Variants in ERO1A observed in about 807,000 individuals in gnomAD.
ERO1A encodes the protein endoplasmic reticulum oxidoreductase 1 alpha, also known as ERO1-like protein alpha.
A neutral mutation model predicts 76.9 loss-of-function variants in ERO1A; 49 were observed. That is an observed-to-expected ratio of 0.64 (90% CI 0.51 to 0.81). ERO1A has a LOEUF of 0.81. ERO1A is among the 30% of genes least tolerant of loss of function. The probability of loss-of-function intolerance (pLI) is 0.00; values close to 1 mark genes in which losing one functional copy is unlikely to be tolerated. For missense variants in ERO1A, 448 were observed against 542.1 expected (o/e 0.83, Z 1.72); for synonymous variants, 174 against 181.2 (o/e 0.96, Z 0.32).
intron 1 of ERO1A, 77 bp from the exon 2 acceptor site, chr14:52,683,984 G>T: frequency 8.7e-7 from 1 of 1,146,084 alleles, no homozygotes; most frequent in Non-Finnish European, 1.2e-6. Flanking sequence ...ATGGTTGTTA[G>T]GAAACAGCCC....
In ERO1A at chr14:52,679,418, A is replaced by ATT. The variant is rs3064778; in HGVS notation, c.319-948_319-947dup. Among the ~76,000 whole-genome samples the ATT allele has an allele frequency of 4.2e-4, 62 of 146,926 alleles. 1 individual carries two copies. In the East Asian group the frequency reaches 6.9e-3, roughly 16 times the overall value. On this transcript the variant is annotated intron_variant, in intron 3 of 15. Coordinates refer to ENST00000395686, the MANE Select transcript of ERO1A (RefSeq NM_014584.3). ...TTAGATGGATAAATACCTTCCAATG[A>ATT]TTTTTTTTTTTTTCAGATAGGGTCT...
Position 52,682,335 on chromosome 14 carries a change from G to A in ERO1A, c.308C>T (p.Pro103Leu). The A allele has an allele frequency of 2.5e-6, 4 of 1,607,616 alleles. No homozygotes were observed. Among genetic ancestry groups the A allele is most frequent in the Non-Finnish European group, 3.4e-6 (4 of 1,175,622 alleles). Residue 103 changes from proline (P) to leucine (L), a missense_variant, in exon 3 of 16, where the codon CCA (proline) becomes CTA (leucine). Physicochemically the swap from Pro to Leu is moderately conservative, Grantham distance 98 (BLOSUM62 -3). Around this residue, in one of 2 missense-constraint regions of ERO1A, gnomAD observed 146 missense variants for 130.2 expected, o/e 1.12. Transcript: ENST00000395686. ...QCGRRDCAVKPCQSDEVPDGI... is the reference protein window; with the variant it reads ...QCGRRDCAVKLCQSDEVPDGI... Reference sequence around the variant, plus strand: ...ATACATGGTTCTTACAGATTGACATGGTTTGACAGCACAGTCCCTTCTTCC... The same window carrying A: ...ATACATGGTTCTTACAGATTGACATAGTTTGACAGCACAGTCCCTTCTTCC...
chr14:52,654,818 T>C (rs947163766), intron 11 of ERO1A, among the ~76,000 whole-genome samples: 19 of 152,198 alleles, frequency 1.2e-4, no homozygotes, highest in Non-Finnish European at 8.8e-5. Context: ...ACAGCCCTTC[T>C]CCTTCTTTTT....
chr14:52,687,653 C>T (rs997673558), intron 1 of ERO1A, among the ~76,000 whole-genome samples: 6 of 152,124 alleles, frequency 3.9e-5, no homozygotes, highest in African/African-American at 9.7e-5. Flanking sequence ...AAAATTACTA[C>T]GCTATATCCC....
chr14:52,682,283 A>G (rs763337868), intron 3 of ERO1A, 42 bp downstream of exon 3: 1 of 1,407,066 alleles, frequency 7.1e-7, no homozygotes, highest in Non-Finnish European at 9.8e-7. Flanking sequence ...ATAATGAATG[A>G]AAAAACATGT....
rs1323587158 is a variant in ERO1A at position 52,641,049 on chromosome 14, G to A, written c.*2521C>T. ...TAAGGAATAAATGAAGAGGCCAAAA[G>A]GTGGGGGGTGGTTCAGGAGTGAGCA... On this transcript the variant is annotated 3_prime_UTR_variant, in exon 16 of 16. Coordinates refer to ENST00000395686, the MANE Select transcript of ERO1A (RefSeq NM_014584.3). The A allele has an allele frequency of 1.3e-5, 2 of 152,180 alleles. No individual in the cohort carries two copies. Among genetic ancestry groups the A allele is most frequent in the African/African-American group, 4.8e-5 (2 of 41,448 alleles). The allele number at this position is 152,180 out of a possible 1,614,324, so 9.4% of individuals were successfully genotyped here.
intron 7 of ERO1A, 140 bp downstream of exon 7, chr14:52,666,235 A>C: frequency 1.5e-6 from 1 of 667,042 alleles, no homozygotes; most frequent in Non-Finnish European, 2.5e-6. Flanking sequence ...AACTGGATTA[A>C]TGAATAGTCA....
chr14:52,682,620 C>T (rs998103143), intron 2 of ERO1A, among the ~76,000 whole-genome samples: 7 of 152,194 alleles, frequency 4.6e-5, no homozygotes, highest in Admixed American at 4.6e-4. Flanking sequence ...CAGACTGGGC[C>T]GGGCACAGTG....
intron 1 of ERO1A, among the ~76,000 whole-genome samples, chr14:52,686,910 T>C (rs2041195389): frequency 6.6e-6 from 1 of 150,942 alleles, no homozygotes; most frequent in South Asian, 2.1e-4. Flanking sequence ...TCCTGAAATA[T>C]GGAGTAGGAG....
intron 1 of ERO1A, among the ~76,000 whole-genome samples, chr14:52,687,018 A>G (rs2181055): frequency 0.31 from 46,698 of 152,096 alleles, 7,533 homozygotes; most frequent in South Asian, 0.45. Context: ...AGGAAAGACA[A>G]GAAGATTCTC....
intron 11 of ERO1A, 78 bp from the exon 12 acceptor site, chr14:52,653,393 T>A: frequency 8.9e-7 from 1 of 1,121,718 alleles, no homozygotes; most frequent in Non-Finnish European, 1.2e-6. Flanking sequence ...TATTCATGCC[T>A]ATAGAAGTTA....
chr14:52,666,971 C>A (rs1479864189), intron 6 of ERO1A, among the ~76,000 whole-genome samples: 1 of 152,002 alleles, frequency 6.6e-6, no homozygotes, highest in Non-Finnish European at 1.5e-5. Flanking sequence ...CACACACAGC[C>A]ACATTAATTG....
chr14:52,674,141 C>A (rs528193994), intron 4 of ERO1A, among the ~76,000 whole-genome samples: 87 of 152,278 alleles, frequency 5.7e-4, no homozygotes, highest in Non-Finnish European at 1.1e-3. Flanking sequence ...ACAATAGTGA[C>A]AAATGTTTTC....
chr14:52,664,995 G>A (rs1398644685), intron 7 of ERO1A, among the ~76,000 whole-genome samples: 1 of 151,984 alleles, frequency 6.6e-6, no homozygotes, highest in Non-Finnish European at 1.5e-5. Flanking sequence ...GCCGGGCGTG[G>A]TGGCTCATGC....
intron 6 of ERO1A, among the ~76,000 whole-genome samples, chr14:52,670,068 C>T (rs1040023530): frequency 6.6e-6 from 1 of 152,132 alleles, no homozygotes; most frequent in Non-Finnish European, 1.5e-5. Context: ...GCACACACCA[C>T]CAGGCCTGGC....
intron 11 of ERO1A, among the ~76,000 whole-genome samples, chr14:52,656,807 TC>T (rs1289500692): frequency 6.6e-6 from 1 of 151,370 alleles, no homozygotes; most frequent in Non-Finnish European, 1.5e-5. Flanking sequence ...ACGGCTATAA[TC>T]CCAGTACTCT....
chr14:52,664,018 T>A, intron 7 of ERO1A, 171 bp from the exon 8 acceptor site: 1 of 462,584 alleles, frequency 2.2e-6, no homozygotes, highest in Non-Finnish European at 4.0e-6. Context: ...CTATTTGTTG[T>A]AGTGATAATA....
rs746133119 is a variant in ERO1A at position 52,653,109 on chromosome 14, C to T, written c.1015G>A (p.Glu339Lys). The T allele has an allele frequency of 3.8e-6, 6 of 1,586,188 alleles. No individual in the cohort carries two copies. In the South Asian group the frequency reaches 6.6e-5, roughly 18 times the overall value. ...LFTGNKIQDE[E>K]NKMLLLEILH... is the part of the protein sequence containing the mutation. ...ATTTCCAGAAGTAACATTTTGTTTT[C>T]CTCATCCTGAATTTTATTTCCAGTA... Residue 339 changes from glutamate to lysine, a missense_variant, in exon 12 of 16, where the codon GAA becomes AAA. Transcript: ENST00000395686.
At chr14:52,677,753 C>T (rs973144316) in intron 4 of ERO1A, among the ~76,000 whole-genome samples, 9 of 150,548 alleles carry the variant, frequency 6.0e-5, no homozygotes, top group Non-Finnish European at 1.0e-4. Flanking sequence ...CTCTCAGCTA[C>T]TCGGAAAGCT....
Sources: gnomAD v4.1 joint callset for allele counts (sites outside exome capture counted in the v4.1 genomes callset) on GRCh38, gnomAD v4.1.1 for gene constraint, gnomAD v4.1.1 regional missense constraint, MANE v1.5 for transcripts, NCBI Gene and HGNC (gene_info 2026-07-23, HGNC 2026-07-21) for gene names.